RPTOR: variants seen among roughly 807,000 people sequenced by gnomAD.
RPTOR encodes the protein regulatory associated protein of MTOR complex 1, also known as regulatory-associated protein of mTOR.
In RPTOR, 21 loss-of-function variants were observed where a neutral mutation model predicts 169.9. The observed-to-expected ratio is 0.12, with a 90% CI of 0.09 to 0.18. The LOEUF (loss-of-function observed/expected upper bound fraction) is 0.18, where lower values mean the gene tolerates loss of function less well. Among genes scored for constraint, RPTOR ranks in the 10% least tolerant of loss-of-function variants. The pLI is 1.00. For synonymous variants in RPTOR, 732 were observed against 753.2 expected (o/e 0.97, Z 0.46); for missense variants, 1,133 against 1,855.9 (o/e 0.61, Z 7.16).
intron 3 of RPTOR, among the ~76,000 whole-genome samples, chr17:80,652,997 G>C (rs907102639): frequency 6.6e-6 from 1 of 152,196 alleles, no homozygotes; most frequent in Non-Finnish European, 1.5e-5. Flanking sequence ...CTGATGATTA[G>C]TGATGTTGCC....
intron 24 of RPTOR, among the ~76,000 whole-genome samples, chr17:80,937,155 C>A (rs1313941844): frequency 6.6e-6 from 1 of 152,122 alleles, no homozygotes; most frequent in African/African-American, 2.4e-5. Flanking sequence ...AGGAGCTAAG[C>A]GGGTGGAGAG....
chr17:80,564,667 T>A (rs1415467266), intron 1 of RPTOR, among the ~76,000 whole-genome samples: 1 of 151,794 alleles, frequency 6.6e-6, no homozygotes. Context: ...GTCACAGAGG[T>A]TTGTGTACAG....
intron 11 of RPTOR, among the ~76,000 whole-genome samples, chr17:80,847,110 A>G (rs2067740562): frequency 1.3e-5 from 2 of 152,274 alleles, no homozygotes; most frequent in South Asian, 4.1e-4. Flanking sequence ...TATGCACTGA[A>G]GCACACACAG....
At chr17:80,807,401 G>A (rs941190589) in intron 7 of RPTOR, among the ~76,000 whole-genome samples, 2 of 152,028 alleles carry the variant, frequency 1.3e-5, no homozygotes, top group African/African-American at 4.8e-5. Flanking sequence ...CTAGGCTGGA[G>A]TGCAATAGCA....
At chr17:80,704,241 A>G (rs761291925) in intron 3 of RPTOR, among the ~76,000 whole-genome samples, 1 of 152,210 alleles carries the variant, frequency 6.6e-6, no homozygotes, top group Non-Finnish European at 1.5e-5. Flanking sequence ...CCTGTAGCCA[A>G]GGTCGTGACA....
At chr17:80,896,536 A>T (rs538488538) in intron 20 of RPTOR, among the ~76,000 whole-genome samples, 133 of 96,642 alleles carry the variant, frequency 1.4e-3, no homozygotes, top group Middle Eastern at 7.8e-3. Context: ...CCACCCCGGC[A>T]CCCCACGGCC....
intron 10 of RPTOR, among the ~76,000 whole-genome samples, chr17:80,843,980 C>G (rs538089428): frequency 5.3e-4 from 80 of 152,318 alleles, no homozygotes; most frequent in African/African-American, 1.8e-3. Flanking sequence ...GCCGGGCAAC[C>G]CAGACGCTCA....
chr17:80,876,945 C>T (rs1389412746), intron 13 of RPTOR, among the ~76,000 whole-genome samples: 1 of 142,860 alleles, frequency 7.0e-6, no homozygotes, highest in East Asian at 2.1e-4. Context: ...GCCCGTGCCA[C>T]TCAGGGTGTG....
At chr17:80,567,370 A>G (rs1394763129) in intron 1 of RPTOR, among the ~76,000 whole-genome samples, 1 of 151,970 alleles carries the variant, frequency 6.6e-6, no homozygotes, top group Non-Finnish European at 1.5e-5. Context: ...AAATGATATT[A>G]TGCCACTTCA....
intron 2 of RPTOR, among the ~76,000 whole-genome samples, chr17:80,634,171 CTGTGTG>C (rs757736290): frequency 1.8e-5 from 2 of 109,010 alleles, no homozygotes; most frequent in African/African-American, 7.4e-5. Flanking sequence ...TGTGTGCATA[CTGTGTG>C]TGTGCGCATA....
At chr17:80,601,274 CAG>C (rs1427104235) in intron 1 of RPTOR, among the ~76,000 whole-genome samples, 2 of 149,902 alleles carry the variant, frequency 1.3e-5, no homozygotes, top group African/African-American at 5.1e-5. Context: ...CATTGTGGAG[CAG>C]AGACAGGGTG....
intron 5 of RPTOR, among the ~76,000 whole-genome samples, chr17:80,751,427 G>A (rs2066629179): frequency 6.6e-6 from 1 of 152,186 alleles, no homozygotes; most frequent in Non-Finnish European, 1.5e-5. Flanking sequence ...ACATGGAGCT[G>A]AAACCTCATG....
At chr17:80,871,723 A>G (rs189731608) in intron 13 of RPTOR, among the ~76,000 whole-genome samples, 3 of 152,258 alleles carry the variant, frequency 2.0e-5, no homozygotes, top group Admixed American at 1.3e-4. Context: ...CTTGTTATTT[A>G]TATAGGCTTA....
chr17:80,603,945 G>A (rs548879281), intron 1 of RPTOR, among the ~76,000 whole-genome samples: 2 of 152,298 alleles, frequency 1.3e-5, no homozygotes, highest in South Asian at 4.1e-4. Context: ...TACTAGTTAG[G>A]GTGGTGGGAA....
In RPTOR at chr17:80,911,385, T is replaced by A. The variant is rs142122604; in HGVS notation, c.2520+2456T>A. 7.4e-3 allele frequency among the ~76,000 whole-genome samples: 1,122 copies of A among 152,298 alleles called. 8 individuals are homozygous for A. The highest frequency in any genetic ancestry group is 0.012 in the Non-Finnish European group (813 of 68,014). On this transcript the variant is annotated intron_variant, in intron 21 of 33. Coordinates refer to ENST00000306801, the MANE Select transcript of RPTOR (RefSeq NM_020761.3). The stretch of plus-strand genomic sequence containing the variant: ...GTTTCTTTTATGTGCTACTGGCCTG[T>A]TGAAAATAGCCAGTCAATTAAGTTA...
chr17:80,879,125 C>T (rs2068156015), intron 13 of RPTOR, among the ~76,000 whole-genome samples: 1 of 152,162 alleles, frequency 6.6e-6, no homozygotes, highest in Admixed American at 6.5e-5. Context: ...TCATCGATGC[C>T]TCAGCTGCAG....
At chr17:80,737,815 C>CCCCCG (rs386386759) in intron 5 of RPTOR, among the ~76,000 whole-genome samples, 1 of 151,352 alleles carries the variant, frequency 6.6e-6, no homozygotes, top group African/African-American at 2.5e-5. Flanking sequence ...CCCCGCCCCC[C>CCCCCG]CGCCACACTC....
At chr17:80,943,355 G>T (rs2069057151) in intron 25 of RPTOR, among the ~76,000 whole-genome samples, 1 of 151,938 alleles carries the variant, frequency 6.6e-6, no homozygotes, top group Non-Finnish European at 1.5e-5. Flanking sequence ...CAGGGTCTTT[G>T]TCACATGACC....
intron 20 of RPTOR, among the ~76,000 whole-genome samples, chr17:80,907,695 C>T (rs1013299705): frequency 1.3e-5 from 2 of 152,252 alleles, no homozygotes; most frequent in Non-Finnish European, 2.9e-5. Context: ...CTGATTGGCT[C>T]CTGCAGGCTT....
Sources: allele counts gnomAD v4.1 joint callset (sites outside exome capture counted in the v4.1 genomes callset), GRCh38; gene constraint gnomAD v4.1.1; transcripts MANE v1.5; gene names NCBI Gene and HGNC (gene_info 2026-07-23, HGNC 2026-07-21).